EIF3D: variants seen among roughly 807,000 people sequenced by gnomAD.
EIF3D encodes eukaryotic translation initiation factor 3 subunit D.
EIF3D carries 10 observed loss-of-function variants against 75.4 expected under a neutral mutation model. That is an observed-to-expected ratio of 0.13 (90% CI 0.08 to 0.22). The LOEUF is 0.22. EIF3D is among the 10% of genes least tolerant of loss of function. The pLI, the probability that EIF3D is intolerant of heterozygous loss-of-function variation, is 1.00. For synonymous variants in EIF3D, 246 were observed against 248.3 expected (o/e 0.99, Z 0.09); for missense variants, 394 against 708.0 (o/e 0.56, Z 5.03).
chr22:36,510,970 A>C lies in EIF3D; in HGVS notation c.*17T>G. On this transcript the variant is annotated 3_prime_UTR_variant, in exon 15 of 15. Transcript: ENST00000216190. ...TAGTCTCGGTGGAAGGACAAACTCC[A>C]GCTCCACATCACTGGTTTAAGTTTC... 1 of 1,604,884 alleles carries C rather than the reference A, an allele frequency of 6.2e-7. No individual in the cohort carries two copies. The highest frequency in any genetic ancestry group is 8.5e-7 in the Non-Finnish European group (1 of 1,176,530).
chr22:36,526,230 C>CA (rs1456170847), intron 1 of EIF3D, 99 bp from the exon 2 acceptor site: 3 of 1,299,574 alleles, frequency 2.3e-6, no homozygotes, highest in African/African-American at 3.0e-5. Context: ...TGATAGAACT[C>CA]AAAAAGCAAC....
chr22:36,511,168 G>A (rs1934327872), intron 14 of EIF3D, 168 bp from the exon 15 acceptor site: 2 of 900,266 alleles, frequency 2.2e-6, no homozygotes, highest in Non-Finnish European at 3.3e-6. Flanking sequence ...TCAGTCACCA[G>A]CTGGTGGAGC....
At chr22:36,525,872 C>G (rs1934590221) in intron 2 of EIF3D, 127 bp downstream of exon 2, 1 of 1,483,138 alleles carries the variant, frequency 6.7e-7, no homozygotes, top group Admixed American at 2.2e-5. Flanking sequence ...CCAGAGATAA[C>G]CTTTCTCAGC....
At chr22:36,527,605 C>T (rs1259386286) in intron 1 of EIF3D, among the ~76,000 whole-genome samples, 1 of 152,196 alleles carries the variant, frequency 6.6e-6, no homozygotes, top group Admixed American at 6.5e-5. Context: ...CTTTGAGAGG[C>T]CGAGGTGGGC....
intron 6 of EIF3D, among the ~76,000 whole-genome samples, chr22:36,521,938 AAAAAAAC>A: frequency 6.6e-6 from 1 of 152,126 alleles, no homozygotes; most frequent in African/African-American, 2.4e-5. Context: ...ATTCCATCTT[AAAAAAAC>A]AAAAAACAAA....
At chr22:36,511,899 T>TTA in intron 13 of EIF3D, 113 bp from the exon 14 acceptor site, 1 of 1,435,700 alleles carries the variant, frequency 7.0e-7, no homozygotes, top group South Asian at 1.5e-5. Flanking sequence ...TTTTTCTTTT[T>TTA]TTTTTTTTTG....
At chr22:36,528,772 CAGAA>C (rs1934650345) in intron 1 of EIF3D, 1 of 152,858 alleles carries the variant, frequency 6.5e-6, no homozygotes, top group Admixed American at 6.5e-5. Context: ...TCGGCCACTT[CAGAA>C]AGACTTTGTT....
intron 9 of EIF3D, among the ~76,000 whole-genome samples, chr22:36,518,300 C>T (rs62230006): frequency 2.0e-5 from 3 of 151,732 alleles, no homozygotes; most frequent in Non-Finnish European, 2.9e-5. Context: ...AGACCAGCCT[C>T]GCCAACATGG....
intron 9 of EIF3D, among the ~76,000 whole-genome samples, chr22:36,517,666 T>C (rs1370543212): frequency 6.6e-6 from 1 of 152,224 alleles, no homozygotes; most frequent in Admixed American, 6.5e-5. Context: ...AACGAAGCTG[T>C]CCCTTTTCAG....
intron 14 of EIF3D, 94 bp downstream of exon 14, chr22:36,511,409 T>A: frequency 3.9e-6 from 6 of 1,546,698 alleles, no homozygotes; most frequent in Non-Finnish European, 5.2e-6. Context: ...ATTCTCGAAG[T>A]TTTATCAAGG....
Position 36,510,931 on chromosome 22 carries a change from A to G in EIF3D, c.*56T>C. ...AAGTTAGACACACATTCCACTAAGC[A>G]TCAAAGGCCCTCGTAGTCTCGGTGG... On this transcript the variant is annotated 3_prime_UTR_variant, in exon 15 of 15. Transcript: ENST00000216190. 1 of 1,565,958 alleles carries G rather than the reference A, an allele frequency of 6.4e-7. No homozygotes were observed. The highest frequency in any genetic ancestry group is 2.1e-5 in the Admixed American group (1 of 47,784).
At chr22:36,512,130 T>A (rs1005291164) in intron 13 of EIF3D, among the ~76,000 whole-genome samples, 1 of 152,178 alleles carries the variant, frequency 6.6e-6, no homozygotes, top group African/African-American at 2.4e-5. Flanking sequence ...GACCTCGTGA[T>A]CTGCCAGCCT....
At chr22:36,523,032 G>C (rs1934539683) in intron 6 of EIF3D, 177 bp downstream of exon 6, 1 of 585,816 alleles carries the variant, frequency 1.7e-6, no homozygotes, top group African/African-American at 1.9e-5. Flanking sequence ...AAGGGTAAGG[G>C]ATTCTTTTGA....
chr22:36,519,804 T>C (rs1363341701), intron 7 of EIF3D, among the ~76,000 whole-genome samples: 1 of 152,122 alleles, frequency 6.6e-6, no homozygotes, highest in African/African-American at 2.4e-5. Context: ...GATGACTAGT[T>C]ATAGAAGCAC....
At chr22:36,514,192 G>A (rs895204035) in intron 12 of EIF3D, among the ~76,000 whole-genome samples, 3 of 152,294 alleles carry the variant, frequency 2.0e-5, no homozygotes, top group Admixed American at 6.5e-5. Context: ...TGACGGGACT[G>A]GGGACACATG....
chr22:36,511,625 C>A lies in EIF3D; in HGVS notation c.1511G>T (p.Gly504Val). The A allele has an allele frequency of 2.5e-6, 4 of 1,614,154 alleles. No homozygotes were observed. The highest frequency in any genetic ancestry group is 3.4e-6 in the Non-Finnish European group (4 of 1,180,030). The change falls in exon 14 of 15, where the codon GGC (glycine) becomes GTC (valine). Residue 504 changes from glycine (G) to valine (V), a missense_variant. By Grantham distance (109) the Gly-to-Val change is moderately radical (BLOSUM62 -3). Transcript: ENST00000216190. ...VIDICMKLEE[G>V]KYLILKDPNK... is the part of the protein sequence containing the mutation. Reference sequence around the variant, plus strand: ...GGGGTCCTTGAGGATGAGGTATTTGCCCTCCTCCAGCTTCATGCAGATGTC... The same window carrying A: ...GGGGTCCTTGAGGATGAGGTATTTGACCTCCTCCAGCTTCATGCAGATGTC...
chr22:36,515,317 C>T (rs537496596), intron 12 of EIF3D, among the ~76,000 whole-genome samples: 12 of 152,170 alleles, frequency 7.9e-5, no homozygotes, highest in Non-Finnish European at 1.5e-4. Flanking sequence ...TCACCTGAGG[C>T]CGGGACTTCA....
At chr22:36,528,682 A>C (rs1429089823) in intron 1 of EIF3D, 1 of 151,858 alleles carries the variant, frequency 6.6e-6, no homozygotes, top group Non-Finnish European at 1.5e-5. Context: ...TAACCTATGC[A>C]CTGTGAATTC....
chr22:36,528,352 A>G (rs1015790902), intron 1 of EIF3D, among the ~76,000 whole-genome samples: 6 of 152,094 alleles, frequency 3.9e-5, no homozygotes, highest in African/African-American at 1.4e-4. Context: ...AGAAGGGAAG[A>G]GGCCCGAGGC....
Sources: gnomAD v4.1 joint callset for allele counts (sites outside exome capture counted in the v4.1 genomes callset) on GRCh38, gnomAD v4.1.1 for gene constraint, MANE v1.5 for transcripts, NCBI Gene and HGNC (gene_info 2026-07-23, HGNC 2026-07-21) for gene names.